Variants in BCL9 observed in about 807,000 individuals in gnomAD.
The protein encoded by BCL9 is B-cell CLL/lymphoma 9 protein.
A neutral mutation model predicts 88.5 loss-of-function variants in BCL9; 25 were observed. The observed-to-expected ratio is 0.28, with a 90% CI of 0.21 to 0.39. The LOEUF is 0.39. BCL9 is among the 10% of genes least tolerant of loss of function. The probability of loss-of-function intolerance (pLI) is 1.00; values close to 1 mark genes in which losing one functional copy is unlikely to be tolerated. For missense variants in BCL9, 1,817 were observed against 1,877.8 expected (o/e 0.97, Z 0.60); for synonymous variants, 711 against 673.3 (o/e 1.06, Z -0.87).
At chr1:147,558,112 T>C (rs587698298) in intron 1 of BCL9, among the ~76,000 whole-genome samples, 14 of 152,292 alleles carry the variant, frequency 9.2e-5, no homozygotes, top group Admixed American at 3.9e-4. Context: ...ATGTGGTATG[T>C]CATTTAATTC....
chr1:147,570,625 A>ATTTTC (rs1246625862), intron 1 of BCL9, among the ~76,000 whole-genome samples: 31,773 of 55,756 alleles, frequency 0.57, 6,578 homozygotes, highest in South Asian at 0.62. Context: ...TTGTTGACTG[A>ATTTTC]TTTTCTTTTT....
chr1:147,568,641 T>C (rs1247704015), intron 1 of BCL9, among the ~76,000 whole-genome samples: 1 of 152,148 alleles, frequency 6.6e-6, no homozygotes, highest in Non-Finnish European at 1.5e-5. Context: ...TCAAGAGGAC[T>C]ATTAACAATC....
chr1:147,621,085 C>G (rs587624100), intron 8 of BCL9, 28 bp downstream of exon 8: 4 of 1,583,910 alleles, frequency 2.5e-6, no homozygotes, highest in East Asian at 2.2e-5. Context: ...CTCACAGTTG[C>G]ACCTAGTAGC....
At chr1:147,552,975 A>ATTT (rs111605988) in intron 1 of BCL9, among the ~76,000 whole-genome samples, 5 of 148,942 alleles carry the variant, frequency 3.4e-5, no homozygotes, top group East Asian at 2.0e-4. Context: ...GGAATTTCCA[A>ATTT]TTTTTTTTTT....
chr1:147,590,354 C>G (rs1656794900), intron 1 of BCL9, among the ~76,000 whole-genome samples: 1 of 152,240 alleles, frequency 6.6e-6, no homozygotes, highest in Non-Finnish European at 1.5e-5. Flanking sequence ...TCTTCTTCAG[C>G]TAGCACCTGA....
intron 4 of BCL9, among the ~76,000 whole-genome samples, chr1:147,612,592 A>G (rs587603839): frequency 6.6e-6 from 1 of 152,174 alleles, no homozygotes; most frequent in Admixed American, 6.5e-5. Context: ...TCACCTCTCT[A>G]TGTACATAGA....
chr1:147,553,717 C>G (rs1390509), intron 1 of BCL9, among the ~76,000 whole-genome samples: 27,863 of 152,148 alleles, frequency 0.18, 6,935 homozygotes, highest in African/African-American at 0.57. Flanking sequence ...AGCATCTTAA[C>G]TGATTTTGGG....
intron 1 of BCL9, among the ~76,000 whole-genome samples, chr1:147,543,813 A>G (rs1361871328): frequency 1.3e-5 from 2 of 152,158 alleles, no homozygotes; most frequent in Non-Finnish European, 2.9e-5. Flanking sequence ...GAGTACCCCA[A>G]GGGTCTTCAT....
Position 147,614,529 on chromosome 1 carries a change from A to T in BCL9, c.473A>T (p.His158Leu). 6.2e-7 allele frequency: 1 copy of T among 1,613,232 alleles called. No individual in the cohort carries two copies. The highest frequency in any genetic ancestry group is 1.1e-5 in the South Asian group (1 of 91,028). The change falls in exon 6 of 10, where the codon CAT (histidine) becomes CTT (leucine). Residue 158 changes from histidine to leucine, a missense_variant. His to Leu is a moderately conservative substitution (Grantham distance 99). This residue lies in a region of BCL9 where 1,228 missense variants were observed against 1,191.6 expected (regional missense o/e 1.03). Transcript: ENST00000234739. Reference protein sequence around the residue: ...ATAPRSSTPSHGQTTATEPTP... With the variant: ...ATAPRSSTPSLGQTTATEPTP... ...GCCCCCAGGTCTTCTACCCCCTCCC[A>T]TGGCCAAACTACTGCCACAGAGCCC...
chr1:147,601,484 C>A (rs782286684), intron 1 of BCL9, among the ~76,000 whole-genome samples: 13 of 152,060 alleles, frequency 8.5e-5, no homozygotes, highest in Non-Finnish European at 1.5e-4. Flanking sequence ...GATTTGTGCA[C>A]TGAGCAAAGT....
chr1:147,564,134 C>T (rs1170323363), intron 1 of BCL9, among the ~76,000 whole-genome samples: 4 of 152,074 alleles, frequency 2.6e-5, no homozygotes, highest in African/African-American at 7.2e-5. Context: ...ACTCTATAGG[C>T]GTGTGATCTC....
At chr1:147,597,334 A>G (rs1201437630) in intron 1 of BCL9, among the ~76,000 whole-genome samples, 2 of 152,224 alleles carry the variant, frequency 1.3e-5, no homozygotes, top group Admixed American at 6.5e-5. Context: ...TCAAACTTAC[A>G]TCATCTATGT....
intron 4 of BCL9, 64 bp from the exon 5 acceptor site, chr1:147,612,819 C>A: frequency 6.5e-7 from 1 of 1,527,102 alleles, no homozygotes; most frequent in Non-Finnish European, 9.0e-7. Context: ...AACTGCCTCT[C>A]TCTAATTTGT....
At chr1:147,599,989 T>TC (rs1489222652) in intron 1 of BCL9, among the ~76,000 whole-genome samples, 3 of 145,552 alleles carry the variant, frequency 2.1e-5, no homozygotes, top group African/African-American at 2.6e-5. Context: ...CGGTCCCGGT[T>TC]CCCCGCGGGC....
In BCL9 at chr1:147,576,267, T is replaced by A. The variant is rs1570847822; in HGVS notation, c.-477-28510T>A. ...ACAAAGTATAAAATTCACAAAAATG[T>A]CTAAGTGAAAAGGCCCCTTCCACCT... On this transcript the variant is annotated intron_variant, in intron 1 of 9. Transcript: ENST00000234739. 2.0e-5 allele frequency among the ~76,000 whole-genome samples: 3 copies of A among 152,180 alleles called. No individual in the cohort carries two copies. The South Asian group carries it at 6.2e-4, about 32-fold the overall frequency.
chr1:147,609,791 G>C (rs1442239745), intron 3 of BCL9, among the ~76,000 whole-genome samples: 2 of 152,188 alleles, frequency 1.3e-5, no homozygotes, highest in African/African-American at 4.8e-5. Context: ...ATAAGTCACA[G>C]AGGATCTAAC....
Position 147,619,199 on chromosome 1 carries a change from C to G in BCL9, c.1044C>G (p.Pro348=). ...SGEPPTLGEN[P]DGLSQEQLEH... Reference sequence around the variant, plus strand: ...AGCCCCCCACACTGGGAGAGAATCCCGATGGCCTATCTCAGGAGCAGCTGG... The same window carrying G: ...AGCCCCCCACACTGGGAGAGAATCCGGATGGCCTATCTCAGGAGCAGCTGG... The change falls in exon 8 of 10, where the codon CCC becomes CCG. Residue 348 remains proline (P), a synonymous_variant. Coordinates refer to ENST00000234739, the MANE Select transcript of BCL9 (RefSeq NM_004326.4). This position sits in a 1 kb window ranked among gnomAD's most constrained non-coding sequence, Gnocchi z 4.1. 1 of 1,613,848 alleles carries G rather than the reference C, an allele frequency of 6.2e-7. No homozygotes were observed. The highest frequency in any genetic ancestry group is 8.5e-7 in the Non-Finnish European group (1 of 1,179,854).
chr1:147,592,476 T>C (rs1656886520), intron 1 of BCL9, among the ~76,000 whole-genome samples: 1 of 152,178 alleles, frequency 6.6e-6, no homozygotes, highest in African/African-American at 2.4e-5. Context: ...TTAAGGAGGA[T>C]AGAGGTCTGG....
chr1:147,576,667 C>T (rs916364058), intron 1 of BCL9, among the ~76,000 whole-genome samples: 7 of 152,086 alleles, frequency 4.6e-5, no homozygotes, highest in Non-Finnish European at 1.5e-5. Context: ...TTCTGATTAA[C>T]TCCTAGATGA....
Sources: gnomAD v4.1 joint callset for allele counts (sites outside exome capture counted in the v4.1 genomes callset) on GRCh38, gnomAD v4.1.1 for gene constraint, gnomAD v4.1.1 regional missense constraint, Gnocchi (gnomAD v3.1) non-coding constraint, MANE v1.5 for transcripts, NCBI Gene and HGNC (gene_info 2026-07-23, HGNC 2026-07-21) for gene names.